PDE4D: variants seen among roughly 807,000 people sequenced by gnomAD.
The protein encoded by PDE4D is phosphodiesterase 4D, also known as 3',5'-cyclic-AMP phosphodiesterase 4D.
A neutral mutation model predicts 87.4 loss-of-function variants in PDE4D; 24 were observed. The ratio of observed to expected loss-of-function variants is 0.27; its 90% CI spans 0.20 to 0.39. The LOEUF is 0.39. PDE4D is among the 10% of genes least tolerant of loss of function. The pLI is 1.00. For missense variants in PDE4D, 714 were observed against 1,041.0 expected, an observed-to-expected ratio of 0.69 and a Z score of 4.32; for synonymous variants, 384 against 383.2, an observed-to-expected ratio of 1.00 and a Z score of -0.02.
chr5:60,095,808 A>G (rs1489316980), intron 2 of PDE4D, among the ~76,000 whole-genome samples: 1 of 152,010 alleles, frequency 6.6e-6, no homozygotes, highest in Non-Finnish European at 1.5e-5. Flanking sequence ...ATGGTATCTC[A>G]TTGTGGTTTT....
At chr5:59,750,661 T>C (rs1315736299) in intron 1 of PDE4D, among the ~76,000 whole-genome samples, 1 of 152,226 alleles carries the variant, frequency 6.6e-6, no homozygotes, top group Non-Finnish European at 1.5e-5. Flanking sequence ...TTTAGCCTGA[T>C]GCAGTGGCTC....
chr5:59,940,180 T>G (rs370231479), intron 3 of PDE4D, among the ~76,000 whole-genome samples: 5 of 152,262 alleles, frequency 3.3e-5, no homozygotes, highest in African/African-American at 1.2e-4. Flanking sequence ...AAGTGACAGA[T>G]CCAGGCATGA....
intron 1 of PDE4D, among the ~76,000 whole-genome samples, chr5:59,831,155 T>G (rs1432494472): frequency 6.6e-6 from 1 of 151,952 alleles, no homozygotes; most frequent in Non-Finnish European, 1.5e-5. Context: ...AAGAGGCATG[T>G]TATTTAGAAA....
At chr5:59,406,039 C>T (rs1300626252) in intron 1 of PDE4D, among the ~76,000 whole-genome samples, 1 of 152,104 alleles carries the variant, frequency 6.6e-6, no homozygotes, top group African/African-American at 2.4e-5. Context: ...GTAATACTGG[C>T]CTTGTGCAAT....
intron 2 of PDE4D, among the ~76,000 whole-genome samples, chr5:60,137,411 T>C (rs1172948567): frequency 6.6e-6 from 1 of 152,162 alleles, no homozygotes; most frequent in Non-Finnish European, 1.5e-5. Flanking sequence ...ATTTACACTT[T>C]CACCAACAGA....
chr5:60,072,851 G>A (rs183882294), intron 2 of PDE4D, among the ~76,000 whole-genome samples: 3 of 152,168 alleles, frequency 2.0e-5, no homozygotes, highest in African/African-American at 7.2e-5. Context: ...CACTGGTCAT[G>A]TTTCTGTTTT....
chr5:59,583,966 T>A (rs1824652953), intron 1 of PDE4D, among the ~76,000 whole-genome samples: 1 of 152,190 alleles, frequency 6.6e-6, no homozygotes, highest in South Asian at 2.1e-4. Flanking sequence ...TCTTTTACAA[T>A]GTTTATTATT....
chr5:59,712,426 ATATT>A (rs1754341189), intron 1 of PDE4D, among the ~76,000 whole-genome samples: 1 of 117,044 alleles, frequency 8.5e-6, no homozygotes, highest in Non-Finnish European at 1.8e-5. Flanking sequence ...ATATATATAT[ATATT>A]TAAGTTGTTT....
At chr5:59,771,132 AAAATAAATAAAT>A (rs201697322) in intron 1 of PDE4D, among the ~76,000 whole-genome samples, 13 of 143,238 alleles carry the variant, frequency 9.1e-5, no homozygotes, top group East Asian at 2.0e-4. Flanking sequence ...ACCCAGCCTC[AAAATAAATAAAT>A]AAATAAATAA....
chr5:59,178,837 G>T (rs1740777382), intron 5 of PDE4D, among the ~76,000 whole-genome samples: 1 of 152,168 alleles, frequency 6.6e-6, no homozygotes, highest in Admixed American at 6.5e-5. Flanking sequence ...GGGGTTGAGG[G>T]TAGTTCCTCT....
At chr5:60,368,918 T>C (rs1760782169) in intron 1 of PDE4D, among the ~76,000 whole-genome samples, 1 of 152,098 alleles carries the variant, frequency 6.6e-6, no homozygotes, top group Non-Finnish European at 1.5e-5. Context: ...TTAAACCTCT[T>C]TTCTTAATAA....
chr5:60,201,887 CA>C (rs1741959673), intron 1 of PDE4D, among the ~76,000 whole-genome samples: 1 of 152,114 alleles, frequency 6.6e-6, no homozygotes, highest in Non-Finnish European at 1.5e-5. Flanking sequence ...TGATATTTGA[CA>C]GAGTTAACAT....
At chr5:60,307,629 T>A (rs1754623642) in intron 1 of PDE4D, among the ~76,000 whole-genome samples, 1 of 152,096 alleles carries the variant, frequency 6.6e-6, no homozygotes, top group South Asian at 2.1e-4. Context: ...CAACTCTGTC[T>A]GCATTTACTA....
At chr5:59,635,072 C>G (rs1442829605) in intron 1 of PDE4D, among the ~76,000 whole-genome samples, 2 of 152,138 alleles carry the variant, frequency 1.3e-5, no homozygotes, top group Non-Finnish European at 2.9e-5. Context: ...ATTGATCCCA[C>G]AGAAATACAA....
intron 3 of PDE4D, among the ~76,000 whole-genome samples, chr5:59,940,211 A>G (rs548315032): frequency 1.3e-5 from 2 of 152,318 alleles, no homozygotes; most frequent in East Asian, 1.9e-4. Flanking sequence ...AGAGGTTACT[A>G]GCATCAACTC....
At chr5:60,383,651 G>A (rs77210116) in intron 1 of PDE4D, among the ~76,000 whole-genome samples, 13,787 of 152,232 alleles carry the variant, frequency 0.091, 681 homozygotes, top group African/African-American at 0.13. Context: ...AAATTTGAGA[G>A]CAGAACCCTA....
intron 1 of PDE4D, among the ~76,000 whole-genome samples, chr5:59,401,578 T>C (rs748959211): frequency 6.6e-6 from 1 of 152,170 alleles, no homozygotes; most frequent in Non-Finnish European, 1.5e-5. Flanking sequence ...ATGAGCTTTA[T>C]ACTGGAATAC....
At chr5:60,412,798 C>T (rs1057203800) in intron 1 of PDE4D, among the ~76,000 whole-genome samples, 1 of 152,116 alleles carries the variant, frequency 6.6e-6, no homozygotes, top group Non-Finnish European at 1.5e-5. Flanking sequence ...AAGGTAATAA[C>T]AGCCAGCTGA....
chr5:60,493,016 A>G (rs1215037377), upstream of PDE4D, among the ~76,000 whole-genome samples: 2 of 152,136 alleles, frequency 1.3e-5, no homozygotes, highest in African/African-American at 4.8e-5. Flanking sequence ...TGTAAGTAAG[A>G]TTTTGCCTTA....
Sources: allele counts gnomAD v4.1 joint callset (sites outside exome capture counted in the v4.1 genomes callset), GRCh38; gene constraint gnomAD v4.1.1; transcripts MANE v1.5; gene names NCBI Gene and HGNC (gene_info 2026-07-23, HGNC 2026-07-21).